The following OR3A2 variants were observed in gnomAD, a reference collection of about 807,000 sequenced individuals.
The protein encoded by OR3A2 is olfactory receptor family 3 subfamily A member 2, also known as olfactory receptor 3A2.
For synonymous variants in OR3A2, 126 were observed against 159.3 expected (o/e 0.79, Z 1.57); for missense variants, 318 against 392.8 (o/e 0.81, Z 1.61).
chr17:3,312,387 C>T (rs959837819), intron 3 of OR3A2, among the ~76,000 whole-genome samples: 1 of 152,076 alleles, frequency 6.6e-6, no homozygotes. Flanking sequence ...GCTTGACATA[C>T]ACTAGGAGCA....
At chr17:3,351,528 A>G (rs2049419679) in intron 2 of OR3A2, among the ~76,000 whole-genome samples, 1 of 108,906 alleles carries the variant, frequency 9.2e-6, no homozygotes, top group Non-Finnish European at 1.9e-5. Flanking sequence ...CAAGGAAATA[A>G]AAGAGGATAC....
chr17:3,291,815 A>C (rs1361443770), intron 3 of OR3A2: 7 of 1,613,758 alleles, frequency 4.3e-6, no homozygotes, highest in Non-Finnish European at 5.9e-6. Flanking sequence ...AGATACCTGA[A>C]CCATAGAATA....
At chr17:3,334,728 A>G (rs1005612070) in intron 3 of OR3A2, among the ~76,000 whole-genome samples, 11 of 152,214 alleles carry the variant, frequency 7.2e-5, no homozygotes, top group African/African-American at 2.2e-4. Context: ...ACAATATTAG[A>G]TCTTTCCATA....
chr17:3,294,112 AAAAAT>A (rs1454389143), intron 3 of OR3A2, among the ~76,000 whole-genome samples: 2 of 152,148 alleles, frequency 1.3e-5, no homozygotes, highest in Middle Eastern at 3.2e-3. Context: ...CAGAACTTAA[AAAAAT>A]AAAATAATAA....
intron 1 of OR3A2, chr17:3,385,829 A>G (rs1473881976): frequency 2.5e-6 from 1 of 398,064 alleles, no homozygotes; most frequent in African/African-American, 2.1e-5. Flanking sequence ...ATTAAAATGT[A>G]TATCTGGAAC....
At chr17:3,351,567 T>G (rs1170648316) in intron 2 of OR3A2, among the ~76,000 whole-genome samples, 2 of 126,296 alleles carry the variant, frequency 1.6e-5, no homozygotes, top group East Asian at 4.4e-4. Context: ...TCCATGCTCA[T>G]GGGTAGGAAG....
upstream of OR3A2, among the ~76,000 whole-genome samples, chr17:3,285,032 G>A (rs1258575359): frequency 6.6e-6 from 1 of 152,122 alleles, no homozygotes. Flanking sequence ...CTTGGACTGT[G>A]TCTTGGGGAT....
At chr17:3,326,295 G>A (rs1047871744) in intron 3 of OR3A2, among the ~76,000 whole-genome samples, 1 of 151,972 alleles carries the variant, frequency 6.6e-6, no homozygotes, top group African/African-American at 2.4e-5. Context: ...TATTCATTTG[G>A]GTTTATACCC....
chr17:3,371,220 G>C (rs1282494688), intron 2 of OR3A2, among the ~76,000 whole-genome samples: 1 of 151,772 alleles, frequency 6.6e-6, no homozygotes, highest in Non-Finnish European at 1.5e-5. Flanking sequence ...TCACCTCCCG[G>C]GTGGGGCGGC....
At chr17:3,284,170 A>G (rs1240237828) in intron 1 of OR3A2, among the ~76,000 whole-genome samples, 188 bp downstream of exon 3, 1 of 149,114 alleles carries the variant, frequency 6.7e-6, no homozygotes, top group East Asian at 1.9e-4. Flanking sequence ...AGCAGGCTTC[A>G]TCTGAGAGAG....
intron 2 of OR3A2, among the ~76,000 whole-genome samples, chr17:3,345,946 T>TG (rs2049360696): frequency 6.6e-6 from 1 of 152,062 alleles, no homozygotes; most frequent in Non-Finnish European, 1.5e-5. Context: ...AAAGTGGGGA[T>TG]GGGGGAGAAG....
chr17:3,375,245 TCCC>T (rs59796994), intron 2 of OR3A2, among the ~76,000 whole-genome samples: 641 of 45,988 alleles, frequency 0.014, 49 homozygotes, highest in African/African-American at 0.061. Flanking sequence ...TTTTTTTTTT[TCCC>T]CCCCTTTTTG....
chr17:3,348,322 T>A (rs1488060165), intron 2 of OR3A2, among the ~76,000 whole-genome samples: 1 of 152,174 alleles, frequency 6.6e-6, no homozygotes, highest in Non-Finnish European at 1.5e-5. Flanking sequence ...TCCTTGCCCA[T>A]GCCTATGTCC....
upstream of OR3A2, among the ~76,000 whole-genome samples, chr17:3,288,412 A>AGCCTAGGTGTTCAGTAGGCCATACC (rs1312223751): frequency 5.9e-5 from 9 of 152,206 alleles, no homozygotes; most frequent in Non-Finnish European, 1.3e-4. Flanking sequence ...TATTTCATAT[A>AGCCTAGGTGTTCAGTAGGCCATACC]GCCTAGGTGT....
intron 3 of OR3A2, among the ~76,000 whole-genome samples, chr17:3,331,361 G>A (rs1294390055): frequency 7.2e-5 from 11 of 152,150 alleles, no homozygotes; most frequent in East Asian, 5.8e-4. Flanking sequence ...CCAATCCGAC[G>A]TAGATTTGGT....
At chr17:3,317,614 A>T (rs1431694269) in intron 3 of OR3A2, among the ~76,000 whole-genome samples, 1 of 152,130 alleles carries the variant, frequency 6.6e-6, no homozygotes, top group Non-Finnish European at 1.5e-5. Flanking sequence ...CAGTTTTCCC[A>T]TCCATAAAAT....
At chr17:3,347,212 T>A (rs980818773) in intron 2 of OR3A2, among the ~76,000 whole-genome samples, 4 of 147,228 alleles carry the variant, frequency 2.7e-5, no homozygotes, top group South Asian at 4.5e-4. Flanking sequence ...TACCTTTTCA[T>A]ATGTCTGTTT....
chr17:3,372,819 A>G (rs1460252907), intron 2 of OR3A2, among the ~76,000 whole-genome samples: 1 of 129,668 alleles, frequency 7.7e-6, no homozygotes, highest in Non-Finnish European at 1.6e-5. Flanking sequence ...CCATGGAAAG[A>G]GGGAGAGGGA....
At chr17:3,301,400 G>GA (rs1669432808) in intron 3 of OR3A2, among the ~76,000 whole-genome samples, 1 of 152,060 alleles carries the variant, frequency 6.6e-6, no homozygotes, top group African/African-American at 2.4e-5. Flanking sequence ...GGTGTGAGAT[G>GA]GTATCTCATT....
Sources: gnomAD v4.1 joint callset for allele counts (sites outside exome capture counted in the v4.1 genomes callset) on GRCh38, gnomAD v4.1.1 for gene constraint, MANE v1.5 for transcripts, NCBI Gene and HGNC (gene_info 2026-07-23, HGNC 2026-07-21) for gene names.